The following ELP1 variants were observed in gnomAD, a reference collection of about 807,000 sequenced individuals.
The protein encoded by ELP1 is elongator complex protein 1.
ELP1 carries 131 observed loss-of-function variants against 183.2 expected under a neutral mutation model. The observed-to-expected ratio is 0.72, with a 90% CI of 0.62 to 0.83. The LOEUF is 0.83. ELP1 is among the 40% of genes least tolerant of loss of function. ELP1 has a pLI of 0.00. For synonymous variants in ELP1, 555 were observed against 569.0 expected (o/e 0.98, Z 0.35); for missense variants, 1,550 against 1,594.9 (o/e 0.97, Z 0.48).
At chr9:108,917,893 C>G (rs977358114) in intron 8 of ELP1, among the ~76,000 whole-genome samples, 1 of 152,130 alleles carries the variant, frequency 6.6e-6, no homozygotes, top group Non-Finnish European at 1.5e-5. Context: ...GTGCCTTTTC[C>G]TGTTTTACAC....
Position 108,868,791 on chromosome 9 carries a change from C to G in ELP1, c.*324G>C. ...AAACATTGTTTTACTTGTCTTCACACTTTGGAGGTAGAAATCATGAAACAT... is the reference window on the plus strand; with the variant it reads ...AAACATTGTTTTACTTGTCTTCACAGTTTGGAGGTAGAAATCATGAAACAT... On this transcript the variant is annotated 3_prime_UTR_variant, in exon 37 of 37. Coordinates refer to ENST00000374647, the MANE Select transcript of ELP1 (RefSeq NM_003640.5). 1 of 576,762 alleles carries G rather than the reference C, an allele frequency of 1.7e-6. No individual in the cohort carries two copies. The highest frequency in any genetic ancestry group is 3.1e-6 in the Non-Finnish European group (1 of 325,500). 35.7% of individuals were successfully genotyped at this position (576,762 alleles called of 1,614,324 possible).
At chr9:108,931,344 T>G in intron 1 of ELP1, 143 bp from the exon 2 acceptor site, 2 of 592,868 alleles carry the variant, frequency 3.4e-6, no homozygotes, top group South Asian at 3.9e-5. Context: ...CACCCATGTA[T>G]GGATTATAGC....
chr9:108,891,252 C>T lies in ELP1; in HGVS notation c.3111G>A (p.Gln1037=). Residue 1037 remains glutamine (Q), a synonymous_variant, in exon 28 of 37, where the codon CAG becomes CAA. Coordinates refer to ENST00000374647, the MANE Select transcript of ELP1 (RefSeq NM_003640.5). ...NWKQALCVAA[Q]LNFTKDQLVG... The stretch of plus-strand genomic sequence containing the variant: ...CCAGCTGGTCTTTGGTAAAGTTAAG[C>T]TGGGCTGCCACACAGAGGGCTTGCT... 6.2e-7 allele frequency: 1 copy of T among 1,614,220 alleles called. No homozygotes were observed. The highest frequency in any genetic ancestry group is 8.5e-7 in the Non-Finnish European group (1 of 1,180,040).
chr9:108,927,791 G>C (rs1587924878), intron 3 of ELP1, among the ~76,000 whole-genome samples: 2 of 152,098 alleles, frequency 1.3e-5, no homozygotes, highest in East Asian at 3.9e-4. Context: ...GACACAAAAA[G>C]ACAAACATCA....
chr9:108,902,749 T>A lies in ELP1; in HGVS notation c.1854+90A>T. On this transcript the variant is annotated intron_variant, in intron 16 of 36. Coordinates refer to ENST00000374647, the MANE Select transcript of ELP1 (RefSeq NM_003640.5). Reference sequence around the variant, plus strand: ...TCTAGGCATTTAGTGGAGACCCAAGTCCACCTCCAAAGCCCACGCTCTTTC... The same window carrying A: ...TCTAGGCATTTAGTGGAGACCCAAGACCACCTCCAAAGCCCACGCTCTTTC... The A allele has an allele frequency of 9.8e-6, 9 of 920,268 alleles. No individual in the cohort carries two copies. The South Asian group carries it at 1.2e-4, about 12-fold the overall frequency. The allele number at this position is 920,268 out of a possible 1,614,324, so 57.0% of individuals were successfully genotyped here.
chr9:108,883,943 A>G (rs1414733933), intron 29 of ELP1, among the ~76,000 whole-genome samples: 1 of 152,118 alleles, frequency 6.6e-6, no homozygotes, highest in East Asian at 1.9e-4. Context: ...TGGTAATCAC[A>G]TTCAATGCAA....
In ELP1 at chr9:108,901,054, G is replaced by A. The variant is rs529337586; in HGVS notation, c.2014+371C>T. 4.6e-5 allele frequency among the ~76,000 whole-genome samples: 7 copies of A among 152,144 alleles called. No individual in the cohort carries two copies. The South Asian group carries it at 1.2e-3, about 27-fold the overall frequency. On this transcript the variant is annotated intron_variant, in intron 18 of 36. Coordinates refer to ENST00000374647, the MANE Select transcript of ELP1 (RefSeq NM_003640.5). ...TATCCTACAAACCACTAGATGGAGC[G>A]CAGATGTACAGTGGAGGGTGGGCAC...
At chr9:108,932,874 T>A (rs1386659140) in intron 1 of ELP1, among the ~76,000 whole-genome samples, 1 of 152,128 alleles carries the variant, frequency 6.6e-6, no homozygotes, top group Non-Finnish European at 1.5e-5. Flanking sequence ...CTCTTCGCAG[T>A]TCTTAAATGT....
intron 22 of ELP1, among the ~76,000 whole-genome samples, chr9:108,897,669 C>T (rs1828610221): frequency 1.3e-5 from 2 of 152,184 alleles, no homozygotes; most frequent in Admixed American, 1.3e-4. Flanking sequence ...AAGAGTAATA[C>T]TGTATGCTTC....
At chr9:108,899,229 G>A (rs545847115) in intron 20 of ELP1, among the ~76,000 whole-genome samples, 72 of 152,046 alleles carry the variant, frequency 4.7e-4, no homozygotes, top group African/African-American at 1.6e-3. Flanking sequence ...GAACCCAGAA[G>A]GCAGAGGTTG....
chr9:108,869,000 A>T lies in ELP1; in HGVS notation c.*115T>A. ...GTTCTTGGCAATGCTAAGGTAAGTT[A>T]TCATTTTACTCTTTCCAGTTCTCAA... On this transcript the variant is annotated 3_prime_UTR_variant, in exon 37 of 37. Transcript: ENST00000374647. 1 of 874,664 alleles carries T rather than the reference A, an allele frequency of 1.1e-6. No individual in the cohort carries two copies. The highest frequency in any genetic ancestry group is 2.0e-6 in the Non-Finnish European group (1 of 509,896). 54.2% of individuals were successfully genotyped at this position (874,664 alleles called of 1,614,324 possible).
intron 31 of ELP1, among the ~76,000 whole-genome samples, chr9:108,881,317 C>T (rs1827922772): frequency 6.6e-6 from 1 of 152,086 alleles, no homozygotes; most frequent in African/African-American, 2.4e-5. Flanking sequence ...AGATATGATC[C>T]TTCATTCCTA....
intron 5 of ELP1, among the ~76,000 whole-genome samples, chr9:108,925,839 T>C (rs1829807098): frequency 6.6e-6 from 1 of 152,230 alleles, no homozygotes; most frequent in East Asian, 1.9e-4. Flanking sequence ...CATGAGCCAC[T>C]GTGCCCAGCC....
At chr9:108,896,421 C>T in intron 25 of ELP1, 75 bp downstream of exon 25, 1 of 1,406,072 alleles carries the variant, frequency 7.1e-7, no homozygotes, top group Non-Finnish European at 1.0e-6. Context: ...AGCTACTGCA[C>T]TACCAGAAGC....
At chr9:108,899,754 T>G in intron 20 of ELP1, 68 bp downstream of exon 20, 2 of 1,261,006 alleles carry the variant, frequency 1.6e-6, no homozygotes, top group Non-Finnish European at 2.3e-6. Context: ...GAAATTGTAA[T>G]AAAATACTTA....
At chr9:108,876,973 C>T (rs575922461) in intron 35 of ELP1, among the ~76,000 whole-genome samples, 3 of 152,234 alleles carry the variant, frequency 2.0e-5, no homozygotes, top group African/African-American at 7.2e-5. Flanking sequence ...TCAGGTGATC[C>T]GCCTGCCTTG....
At position 108,922,932 on chromosome 9, in the gene ELP1, A is replaced by T; in HGVS notation, c.467-5T>A. 6.2e-7 allele frequency: 1 copy of T among 1,606,298 alleles called. No individual in the cohort carries two copies. On this transcript the variant is annotated splice_region_variant and splice_polypyrimidine_tract_variant and intron_variant, in intron 5 of 36. Transcript: ENST00000374647. The stretch of plus-strand genomic sequence containing the variant: ...ATCCAACAGTGATAAACTTGCCTAC[A>T]GAACAATTGGCAAGACAACTAATAA...
intron 1 of ELP1, among the ~76,000 whole-genome samples, chr9:108,931,723 T>C (rs866426506): frequency 6.6e-6 from 1 of 152,150 alleles, no homozygotes; most frequent in Non-Finnish European, 1.5e-5. Context: ...AAATCAAAGA[T>C]AGAAAAGCAT....
In ELP1 at chr9:108,896,562, T is replaced by C. The variant is rs1828554103; in HGVS notation, c.2670A>G (p.Leu890=). 1.9e-6 allele frequency: 3 copies of C among 1,613,676 alleles called. No homozygotes were observed. In the African/African-American group the frequency reaches 4.0e-5, roughly 22 times the overall value. Residue 890 remains leucine, a synonymous_variant, in exon 25 of 37, where the codon TTA becomes TTG. Coordinates refer to ENST00000374647, the MANE Select transcript of ELP1 (RefSeq NM_003640.5). The part of the protein sequence containing the change: ...YLLHLVDVNE[L]YDHSLGTYDF... ...CATAGGTGCCAAGAGAATGATCATA[T>C]AATTCATTAACATCTACCAGATGCA... is the stretch of plus-strand genomic sequence containing the variant.
Sources: allele counts gnomAD v4.1 joint callset (sites outside exome capture counted in the v4.1 genomes callset), GRCh38; gene constraint gnomAD v4.1.1; transcripts MANE v1.5; gene names NCBI Gene and HGNC (gene_info 2026-07-23, HGNC 2026-07-21).